Variants in SLC14A2 observed in about 807,000 individuals in gnomAD.
SLC14A2 encodes the protein urea transporter 2.
A neutral mutation model predicts 104.6 loss-of-function variants in SLC14A2; 91 were observed. That is an observed-to-expected ratio of 0.87 (90% CI 0.73 to 1.04). The LOEUF is 1.04. SLC14A2 is among the 50% of genes least tolerant of loss of function. SLC14A2 has a pLI of 0.00. For synonymous variants in SLC14A2, 476 were observed against 466.4 expected (o/e 1.02, Z -0.27); for missense variants, 1,189 against 1,156.0 (o/e 1.03, Z -0.41).
At chr18:45,580,293 A>C (rs2144358008) in intron 2 of SLC14A2, among the ~76,000 whole-genome samples, 1 of 152,352 alleles carries the variant, frequency 6.6e-6, no homozygotes, top group East Asian at 1.9e-4. Flanking sequence ...AAGTGTCAGA[A>C]TTTGAAAAAA....
chr18:45,534,361 G>GA (rs1391425845), intron 2 of SLC14A2, among the ~76,000 whole-genome samples: 4 of 151,970 alleles, frequency 2.6e-5, no homozygotes, highest in Admixed American at 6.5e-5. Context: ...TAGTCAAAAG[G>GA]AAAAAAACCC....
intron 2 of SLC14A2, among the ~76,000 whole-genome samples, chr18:45,534,196 C>T (rs2144839863): frequency 6.6e-6 from 1 of 152,106 alleles, no homozygotes; most frequent in East Asian, 1.9e-4. Flanking sequence ...ACATGCATTC[C>T]CTCCACGAAT....
chr18:45,601,382 C>T (rs1438483197), intron 2 of SLC14A2, among the ~76,000 whole-genome samples: 1 of 152,228 alleles, frequency 6.6e-6, no homozygotes, highest in Non-Finnish European at 1.5e-5. Context: ...CTGTCATCTC[C>T]TCCTTTCCTA....
At chr18:45,185,597 T>C in the SLC14A2 span, among the ~76,000 whole-genome samples, 2 of 152,180 alleles carry the variant, frequency 1.3e-5, no homozygotes, top group Admixed American at 1.3e-4. Flanking sequence ...GACAAGGATG[T>C]CTACCCTATC....
intron 1 of SLC14A2, among the ~76,000 whole-genome samples, chr18:45,284,996 A>G (rs2084799151): frequency 6.6e-6 from 1 of 151,750 alleles, no homozygotes. Flanking sequence ...TAAACTTTTA[A>G]TTCTGGAATA....
intron 2 of SLC14A2, among the ~76,000 whole-genome samples, chr18:45,566,431 A>G (rs759293336): frequency 6.6e-6 from 1 of 152,206 alleles, no homozygotes; most frequent in Non-Finnish European, 1.5e-5. Context: ...ACACAGGACC[A>G]TTTAAAAACT....
chr18:45,350,701 C>A (rs543476419), intron 1 of SLC14A2, among the ~76,000 whole-genome samples: 4 of 151,852 alleles, frequency 2.6e-5, no homozygotes, highest in African/African-American at 9.7e-5. Context: ...GCCTCACTCC[C>A]AGCACAGTGT....
intron 1 of SLC14A2, among the ~76,000 whole-genome samples, chr18:45,462,935 A>G (rs1166213116): frequency 6.6e-6 from 1 of 152,192 alleles, no homozygotes; most frequent in East Asian, 1.9e-4. Flanking sequence ...TGACACCATT[A>G]TGATGATTTC....
At chr18:45,540,100 C>T (rs1023595704) in intron 2 of SLC14A2, among the ~76,000 whole-genome samples, 1 of 151,910 alleles carries the variant, frequency 6.6e-6, no homozygotes, top group Non-Finnish European at 1.5e-5. Context: ...TAATCCTGGG[C>T]ACTTTGTGCC....
At chr18:45,651,448 G>A in intron 10 of SLC14A2, among the ~76,000 whole-genome samples, 1 of 152,204 alleles carries the variant, frequency 6.6e-6, no homozygotes, top group East Asian at 1.9e-4. Context: ...AAGTCAACTT[G>A]TTCAGTGTTT....
At chr18:45,517,986 C>A (rs2043466241) in intron 2 of SLC14A2, among the ~76,000 whole-genome samples, 1 of 152,146 alleles carries the variant, frequency 6.6e-6, no homozygotes. Context: ...AATGCCATAT[C>A]TTAACTTTGA....
chr18:45,349,496 A>G (rs1358305366), intron 1 of SLC14A2, among the ~76,000 whole-genome samples: 1 of 152,196 alleles, frequency 6.6e-6, no homozygotes, highest in African/African-American at 2.4e-5. Flanking sequence ...GAGATGGAAT[A>G]TATGTCAATG....
rs751015797 is a variant in SLC14A2, at chr18:45,682,313, C to T, written c.2563-6C>T. On this transcript the variant is annotated splice_region_variant and splice_polypyrimidine_tract_variant and intron_variant, in intron 19 of 19. Transcript: ENST00000255226. Reference sequence around the variant, plus strand: ...ACCAAGGCTTATCTGTGTTCTTTCTCTCCAGTTTGGATTGCCGCCCTGCAC... The same window carrying T: ...ACCAAGGCTTATCTGTGTTCTTTCTTTCCAGTTTGGATTGCCGCCCTGCAC... 1 of 1,613,974 alleles carries T rather than the reference C, an allele frequency of 6.2e-7. No homozygotes were observed. The highest frequency in any genetic ancestry group is 8.5e-7 in the Non-Finnish European group (1 of 1,179,852).
chr18:45,434,685 A>T (rs1426467196), intron 1 of SLC14A2, among the ~76,000 whole-genome samples: 1 of 152,312 alleles, frequency 6.6e-6, no homozygotes, highest in East Asian at 1.9e-4. Context: ...AAAATAGTTT[A>T]AAAAACCAGC....
intron 3 of SLC14A2, 110 bp from the exon 4 acceptor site, chr18:45,626,848 A>C: frequency 3.0e-6 from 1 of 336,570 alleles, no homozygotes; most frequent in East Asian, 7.5e-5. Context: ...GCTGAATGGG[A>C]AGGGTCCTGG....
chr18:45,351,487 T>G (rs561244198), intron 1 of SLC14A2, among the ~76,000 whole-genome samples: 2 of 152,230 alleles, frequency 1.3e-5, no homozygotes, highest in East Asian at 3.9e-4. Context: ...CCCAAGTAGC[T>G]GGGACTACAG....
chr18:45,279,347 G>A (rs1052743556), intron 1 of SLC14A2, among the ~76,000 whole-genome samples: 2 of 152,192 alleles, frequency 1.3e-5, no homozygotes, highest in African/African-American at 2.4e-5. Context: ...AAGTTTCCTC[G>A]TACTGCTCAG....
chr18:45,371,091 C>T (rs927455092), intron 1 of SLC14A2, among the ~76,000 whole-genome samples: 1 of 152,172 alleles, frequency 6.6e-6, no homozygotes, highest in Non-Finnish European at 1.5e-5. Flanking sequence ...GGTGAAGGAG[C>T]TGTGTACCCT....
At chr18:45,230,568 C>G (rs12606193) in intron 1 of SLC14A2, among the ~76,000 whole-genome samples, 1 of 152,058 alleles carries the variant, frequency 6.6e-6, no homozygotes, top group Non-Finnish European at 1.5e-5. Context: ...AAAAAAATCC[C>G]CCCAACTCAA....
Sources: allele counts gnomAD v4.1 joint callset (sites outside exome capture counted in the v4.1 genomes callset), GRCh38; gene constraint gnomAD v4.1.1; transcripts MANE v1.5; gene names NCBI Gene and HGNC (gene_info 2026-07-23, HGNC 2026-07-21).